Variants in DGKB observed in about 807,000 individuals in gnomAD.
The protein encoded by DGKB is diacylglycerol kinase beta, also known as 90 kDa diacylglycerol kinase.
Under a neutral mutation model 114.3 loss-of-function variants are expected in DGKB, and 67 were observed. The ratio of observed to expected loss-of-function variants is 0.59; its 90% confidence interval spans 0.48 to 0.72. The LOEUF (loss-of-function observed/expected upper bound fraction) is 0.72, where lower values mean the gene tolerates loss of function less well. Ranked by LOEUF, DGKB falls within the 30% of genes least tolerant of loss-of-function variation. The pLI, the probability that DGKB is intolerant of heterozygous loss-of-function variation, is 0.00. For missense variants in DGKB, 907 were observed against 975.2 expected (o/e 0.93, Z 0.93); for synonymous variants, 398 against 323.1 (o/e 1.23, Z -2.49).
At chr7:14,947,487 A>T (rs1785948533) in intron 1 of DGKB, among the ~76,000 whole-genome samples, 1 of 139,740 alleles carries the variant, frequency 7.2e-6, no homozygotes, top group African/African-American at 2.7e-5. Flanking sequence ...TAACTGAAGC[A>T]TTTATGTTAA....
At chr7:14,875,691 C>G (rs932762090) in intron 1 of DGKB, among the ~76,000 whole-genome samples, 2 of 152,122 alleles carry the variant, frequency 1.3e-5, no homozygotes, top group African/African-American at 2.4e-5. Context: ...ACATTTTAAT[C>G]CCAGTGAACA....
intron 23 of DGKB, among the ~76,000 whole-genome samples, chr7:14,205,361 T>G (rs1044400062): frequency 6.6e-6 from 1 of 151,886 alleles, no homozygotes; most frequent in African/African-American, 2.4e-5. Context: ...CTTCTCTGCT[T>G]GGACCATCAG....
chr7:14,255,322 C>A (rs1374702810), intron 23 of DGKB, among the ~76,000 whole-genome samples: 6 of 152,044 alleles, frequency 3.9e-5, no homozygotes, highest in Non-Finnish European at 8.8e-5. Flanking sequence ...ATTAATCACC[C>A]TCCTATTGCT....
intron 23 of DGKB, among the ~76,000 whole-genome samples, chr7:14,240,274 T>C (rs1793445755): frequency 1.3e-5 from 2 of 152,118 alleles, no homozygotes; most frequent in Non-Finnish European, 2.9e-5. Context: ...AGGTTCCATG[T>C]AAAATAAATT....
intron 23 of DGKB, among the ~76,000 whole-genome samples, chr7:14,246,261 T>G (rs2128379044): frequency 6.6e-6 from 1 of 152,324 alleles, no homozygotes; most frequent in East Asian, 1.9e-4. Context: ...TGACAGATGT[T>G]GCTTGACATG....
At chr7:14,571,022 T>A (rs771147901) in intron 20 of DGKB, among the ~76,000 whole-genome samples, 1 of 152,130 alleles carries the variant, frequency 6.6e-6, no homozygotes, top group Non-Finnish European at 1.5e-5. Context: ...CATTCCTAAC[T>A]TTACCTACTA....
At chr7:14,649,915 G>T (rs1381619589) in intron 13 of DGKB, among the ~76,000 whole-genome samples, 1 of 142,954 alleles carries the variant, frequency 7.0e-6, no homozygotes, top group Non-Finnish European at 1.5e-5. Flanking sequence ...TTACATAATG[G>T]TAAAGGGATC....
intron 8 of DGKB, 111 bp from the exon 9 acceptor site, chr7:14,694,305 T>C: frequency 1.1e-6 from 1 of 931,858 alleles, no homozygotes; most frequent in Non-Finnish European, 1.6e-6. Context: ...GGGATAACTG[T>C]CTTGCTAACT....
At chr7:14,227,874 C>T (rs572868094) in intron 23 of DGKB, among the ~76,000 whole-genome samples, 2 of 151,964 alleles carry the variant, frequency 1.3e-5, no homozygotes, top group African/African-American at 4.8e-5. Context: ...TATCTATGTT[C>T]AGAATTCTGA....
chr7:14,348,021 C>A (rs577063176), intron 21 of DGKB, among the ~76,000 whole-genome samples: 1 of 151,890 alleles, frequency 6.6e-6, no homozygotes, highest in African/African-American at 2.4e-5. Flanking sequence ...ATTACAGTTT[C>A]CCCCAATGAA....
At chr7:14,707,001 C>G (rs970368940) in intron 6 of DGKB, among the ~76,000 whole-genome samples, 2 of 150,544 alleles carry the variant, frequency 1.3e-5, no homozygotes, top group African/African-American at 4.9e-5. Flanking sequence ...ACACAAAAAA[C>G]CCTTCAAAAA....
intron 7 of DGKB, among the ~76,000 whole-genome samples, chr7:14,701,214 T>C: frequency 6.6e-6 from 1 of 152,208 alleles, no homozygotes; most frequent in East Asian, 1.9e-4. Flanking sequence ...CATTTACCTA[T>C]TTCAGCCGCA....
intron 2 of DGKB, among the ~76,000 whole-genome samples, chr7:14,758,944 G>T (rs889066631): frequency 1.9e-4 from 27 of 140,814 alleles, no homozygotes; most frequent in Non-Finnish European, 3.5e-4. Flanking sequence ...TACATAGATA[G>T]ATAGAGTTTC....
Position 14,832,037 on chromosome 7 carries a change from G to A in DGKB, c.70+9157C>T, listed in dbSNP as rs999743988. 4.0e-5 allele frequency among the ~76,000 whole-genome samples: 6 copies of A among 151,800 alleles called. No individual in the cohort carries two copies. The South Asian group carries it at 6.2e-4, about 16-fold the overall frequency. On this transcript the variant is annotated intron_variant, in intron 2 of 25. Transcript: ENST00000402815. The stretch of plus-strand genomic sequence containing the variant: ...CTCAGTACATCCTAATAATAACAAC[G>A]AAAGCAATAATTAACTTACATATGG...
In DGKB at chr7:14,178,135, C is replaced by A. The variant is rs1189519599; in HGVS notation, c.2139G>T (p.Leu713=). The stretch of plus-strand genomic sequence containing the variant: ...CTCCTTCCAAGCCGACCACCTCCAG[C>A]AGCTGGTCACTGAGATCTGAAAGAA... ...KFASQDLSDQ[L]LEVVGLEGAM... Residue 713 remains leucine (L), a synonymous_variant, in exon 24 of 26, where the codon CTG becomes CTT. Transcript: ENST00000402815. The A allele has an allele frequency of 3.1e-6, 5 of 1,613,322 alleles. No individual in the cohort carries two copies. The African/African-American group carries it at 4.0e-5, about 13-fold the overall frequency.
chr7:14,443,774 G>A (rs1830379453), intron 21 of DGKB, among the ~76,000 whole-genome samples: 1 of 151,924 alleles, frequency 6.6e-6, no homozygotes, highest in African/African-American at 2.4e-5. Flanking sequence ...AGTTTTTGAG[G>A]TGGTGTGATT....
At chr7:14,753,510 C>T (rs975880411) in intron 4 of DGKB, among the ~76,000 whole-genome samples, 3 of 75,926 alleles carry the variant, frequency 4.0e-5, no homozygotes, top group South Asian at 4.1e-4. Flanking sequence ...GTAGACAAAA[C>T]AAAACAAAAC....
chr7:14,460,636 A>G (rs1832947349), intron 21 of DGKB, among the ~76,000 whole-genome samples: 1 of 152,102 alleles, frequency 6.6e-6, no homozygotes, highest in African/African-American at 2.4e-5. Context: ...AGAGACTTAG[A>G]CTCCCACACA....
chr7:14,941,469 C>A (rs1785567997), intron 1 of DGKB, among the ~76,000 whole-genome samples: 1 of 152,004 alleles, frequency 6.6e-6, no homozygotes, highest in Admixed American at 6.6e-5. Context: ...ATCCTGAGGT[C>A]CATGGACTTT....
Sources: allele counts gnomAD v4.1 joint callset (sites outside exome capture counted in the v4.1 genomes callset), GRCh38; gene constraint gnomAD v4.1.1; transcripts MANE v1.5; gene names NCBI Gene and HGNC (gene_info 2026-07-23, HGNC 2026-07-21).